Variants in AXL observed in about 807,000 individuals in gnomAD.
AXL encodes AXL receptor tyrosine kinase, also known as tyrosine-protein kinase receptor UFO.
AXL carries 52 observed loss-of-function variants against 104.5 expected under a neutral mutation model. The ratio of observed to expected loss-of-function variants is 0.50; its 90% CI spans 0.40 to 0.63. The LOEUF is 0.63. Among genes scored for constraint, AXL ranks in the 20% least tolerant of loss-of-function variants. AXL has a pLI of 0.00. For missense variants in AXL, 1,024 were observed against 1,188.5 expected, an observed-to-expected ratio of 0.86 and a Z score of 2.04; for synonymous variants, 455 against 473.7, an observed-to-expected ratio of 0.96 and a Z score of 0.51.
At chr19:41,258,022 T>C (rs1475890186) in intron 19 of AXL, among the ~76,000 whole-genome samples, 1 of 152,236 alleles carries the variant, frequency 6.6e-6, no homozygotes, top group Non-Finnish European at 1.5e-5. Flanking sequence ...TGAGACTCTC[T>C]GCAAAACCCT....
At position 41,248,780 on chromosome 19, in the gene AXL, G is replaced by A. The variant is rs1412193548; in HGVS notation, c.1671G>A (p.Gln557=). The change falls in exon 14 of 20, where the codon CAG becomes CAA. Residue 557 remains glutamine, a synonymous_variant. Transcript: ENST00000301178. ...CTGTGATGGAAGGCCAGCTCAACCA[G>A]GACGACTCCATCCTCAAGGTGGCTG... is the stretch of plus-strand genomic sequence containing the variant. The part of the protein sequence containing the change: ...FGAVMEGQLN[Q]DDSILKVAVK... 1 of 1,613,898 alleles carries A rather than the reference G, an allele frequency of 6.2e-7. No individual in the cohort carries two copies. Among genetic ancestry groups the A allele is most frequent in the East Asian group, 2.2e-5 (1 of 44,874 alleles).
At chr19:41,220,088 C>G (rs1266773018) in intron 1 of AXL, among the ~76,000 whole-genome samples, 3 of 152,036 alleles carry the variant, frequency 2.0e-5, no homozygotes, top group African/African-American at 7.2e-5. Flanking sequence ...CTCTTCTCAG[C>G]CTCCCTCTGT....
chr19:41,234,073 A>G (rs1427305907), intron 6 of AXL, among the ~76,000 whole-genome samples: 1 of 152,002 alleles, frequency 6.6e-6, no homozygotes, highest in Non-Finnish European at 1.5e-5. Context: ...GAGAGCAGGC[A>G]TGGTGACAGC....
chr19:41,249,284 A>T (rs116907863), intron 14 of AXL, among the ~76,000 whole-genome samples: 31 of 152,110 alleles, frequency 2.0e-4, no homozygotes, highest in East Asian at 1.9e-3. Flanking sequence ...ATGAAAAAAA[A>T]AATAATAATA....
chr19:41,258,304 G>A (rs2034485286), intron 19 of AXL, among the ~76,000 whole-genome samples: 1 of 152,202 alleles, frequency 6.6e-6, no homozygotes, highest in Non-Finnish European at 1.5e-5. Flanking sequence ...AGAAGGCACT[G>A]TTTTAGGTGC....
chr19:41,242,743 A>C, intron 10 of AXL, 140 bp from the exon 11 acceptor site: 1 of 1,083,678 alleles, frequency 9.2e-7, no homozygotes, highest in South Asian at 1.5e-5. Context: ...CAGATATGTG[A>C]ATGCATCCAT....
chr19:41,254,906 C>T (rs1427175810), intron 17 of AXL, among the ~76,000 whole-genome samples: 2 of 151,976 alleles, frequency 1.3e-5, no homozygotes, highest in Non-Finnish European at 2.9e-5. Context: ...AGGGCAAGAT[C>T]CCATCTAAAA....
chr19:41,238,578 G>T lies in AXL; in HGVS notation c.1103G>T (p.Arg368Leu), dbSNP rs755240418. 4 of 1,612,590 alleles carry T rather than the reference G, an allele frequency of 2.5e-6. No homozygotes were observed. The highest frequency in any genetic ancestry group is 3.4e-6 in the Non-Finnish European group (4 of 1,179,178). Residue 368 changes from arginine to leucine, a missense_variant, in exon 8 of 20, where the codon CGG becomes CTG. By Grantham distance (102) the Arg-to-Leu change is moderately radical. This residue lies in a region of AXL where 332 missense variants were observed against 343.9 expected (regional missense o/e 0.97). Coordinates refer to ENST00000301178, the MANE Select transcript of AXL (RefSeq NM_021913.5). ...APLQGTLLGY[R>L]LAYQGQDTPE... The stretch of plus-strand genomic sequence containing the variant: ...CTGCAGGGTACCCTGTTAGGGTACC[G>T]GCTGGCGTATCAAGGCCAGGACACC...
intron 12 of AXL, among the ~76,000 whole-genome samples, chr19:41,245,939 G>C (rs2034264145): frequency 6.6e-6 from 1 of 152,156 alleles, no homozygotes; most frequent in African/African-American, 2.4e-5. Flanking sequence ...CCATTCTCAG[G>C]GTGTGAGCCT....
In AXL at chr19:41,243,283, G is replaced by A. The variant is rs563314296; in HGVS notation, c.1445+268G>A. The stretch of plus-strand genomic sequence containing the variant: ...AAAAATGCAAAAATTAGCGGGAAGT[G>A]TAGGCACACGCCTGTGGTCCCAGCT... On this transcript the variant is annotated intron_variant, in intron 11 of 19. Coordinates refer to ENST00000301178, the MANE Select transcript of AXL (RefSeq NM_021913.5). 3.9e-5 allele frequency among the ~76,000 whole-genome samples: 6 copies of A among 152,344 alleles called. No individual in the cohort carries two copies. The South Asian group carries it at 1.2e-3, about 32-fold the overall frequency.
At chr19:41,224,053 T>C (rs2033837938) in intron 4 of AXL, among the ~76,000 whole-genome samples, 1 of 151,920 alleles carries the variant, frequency 6.6e-6, no homozygotes. Context: ...TTATAGCATG[T>C]CTCTCTCTCT....
rs61737386 is a variant in AXL at position 41,259,670 on chromosome 19, C to A, written c.2451C>A (p.Asp817Glu). 4.3e-6 allele frequency: 7 copies of A among 1,614,010 alleles called. No individual in the cohort carries two copies. Among genetic ancestry groups the A allele is most frequent in the Non-Finnish European group, 5.9e-6 (7 of 1,180,014 alleles). Reference protein sequence around the residue: ...LKALPPAQEPDEILYVNMDEG... With the variant: ...LKALPPAQEPEEILYVNMDEG... ...CCTTGCCTCCTGCCCAGGAGCCTGA[C>A]GAAATCCTCTATGTCAACATGGATG... is the stretch of plus-strand genomic sequence containing the variant. Residue 817 changes from aspartate to glutamate, a missense_variant, in exon 20 of 20, where the codon GAC becomes GAA. Physicochemically the swap from Asp to Glu is conservative, Grantham distance 45. Around this residue, in one of 5 missense-constraint regions of AXL, gnomAD observed 523 missense variants for 636.0 expected, o/e 0.82. Coordinates refer to ENST00000301178, the MANE Select transcript of AXL (RefSeq NM_021913.5).
chr19:41,233,737 C>G (rs2034034078), intron 6 of AXL, among the ~76,000 whole-genome samples: 1 of 149,950 alleles, frequency 6.7e-6, no homozygotes, highest in Middle Eastern at 3.4e-3. Context: ...CTCCCATCCT[C>G]CTCCCCTCCC....
At position 41,243,613 on chromosome 19, in the gene AXL, C is replaced by A; in HGVS notation, c.1446-3C>A. ...GCCCTCACCTACTCCCCCTCCCCCC[C>A]AGAGAAGTGTTTGAACCAACAGTGG... On this transcript the variant is annotated splice_region_variant and splice_polypyrimidine_tract_variant and intron_variant, in intron 11 of 19. Transcript: ENST00000301178. The A allele has an allele frequency of 1.9e-6, 3 of 1,613,750 alleles. No homozygotes were observed. The highest frequency in any genetic ancestry group is 2.5e-6 in the Non-Finnish European group (3 of 1,179,660).
At chr19:41,250,333 T>C (rs966987760) in intron 14 of AXL, among the ~76,000 whole-genome samples, 1 of 152,204 alleles carries the variant, frequency 6.6e-6, no homozygotes, top group African/African-American at 2.4e-5. Flanking sequence ...GAATAGAGAA[T>C]GATCCTTTCT....
chr19:41,236,786 GAAA>G (rs56927752), intron 6 of AXL, among the ~76,000 whole-genome samples: 3,826 of 132,044 alleles, frequency 0.029, 182 homozygotes, highest in African/African-American at 0.098. Flanking sequence ...CCAAAAAAAG[GAAA>G]AAAAAAAAAA....
At chr19:41,223,964 T>C (rs1203888578) in intron 4 of AXL, among the ~76,000 whole-genome samples, 3 of 135,698 alleles carry the variant, frequency 2.2e-5, no homozygotes, top group African/African-American at 1.1e-4. Context: ...GGATGTCCCA[T>C]GTGTGGTGTG....
rs535773288 is a variant in AXL, at chr19:41,219,834, C to T, written c.85+357C>T. Among the ~76,000 whole-genome samples, 3 of 151,780 alleles carry T rather than the reference C, an allele frequency of 2.0e-5. No homozygotes were observed. In the East Asian group the frequency reaches 5.9e-4, roughly 30 times the overall value. Reference sequence around the variant, plus strand: ...GAAGGAAGAAATCTTTCCGAAGGGGCACCGAGTCAGGCAGTGGGATGAGGA... The same window carrying T: ...GAAGGAAGAAATCTTTCCGAAGGGGTACCGAGTCAGGCAGTGGGATGAGGA... On this transcript the variant is annotated intron_variant, in intron 1 of 19. Coordinates refer to ENST00000301178, the MANE Select transcript of AXL (RefSeq NM_021913.5).
intron 18 of AXL, 142 bp downstream of exon 18, chr19:41,256,753 C>A: frequency 8.5e-7 from 1 of 1,176,150 alleles, no homozygotes; most frequent in Non-Finnish European, 1.2e-6. Flanking sequence ...ATGGGCTGGG[C>A]ATGTCTTGGG....
Sources: gnomAD v4.1 joint callset for allele counts (sites outside exome capture counted in the v4.1 genomes callset) on GRCh38, gnomAD v4.1.1 for gene constraint, gnomAD v4.1.1 regional missense constraint, MANE v1.5 for transcripts, NCBI Gene and HGNC (gene_info 2026-07-23, HGNC 2026-07-21) for gene names.